The following R3HDM1 variants were observed in gnomAD, a reference collection of about 807,000 sequenced individuals.
R3HDM1 encodes R3H domain-containing protein 1.
Under a neutral mutation model 141.1 loss-of-function variants are expected in R3HDM1, and 46 were observed. The ratio of observed to expected loss-of-function variants is 0.33; its 90% confidence interval spans 0.26 to 0.42. R3HDM1 has a LOEUF of 0.42. R3HDM1 is among the 10% of genes least tolerant of loss of function. The pLI is 1.00. For synonymous variants in R3HDM1, 435 were observed against 472.9 expected, an observed-to-expected ratio of 0.92 and a Z score of 1.04; for missense variants, 1,184 against 1,368.3, an observed-to-expected ratio of 0.87 and a Z score of 2.12.
At chr2:135,723,805 AGAT>A in intron 26 of R3HDM1, 129 bp from the exon 27 acceptor site, 1 of 404,206 alleles carries the variant, frequency 2.5e-6, no homozygotes, top group Non-Finnish European at 4.4e-6. Flanking sequence ...AAAAAAAAAA[AGAT>A]GGCCCTAACA....
At chr2:135,617,075 G>A (rs1037077254) in intron 5 of R3HDM1, among the ~76,000 whole-genome samples, 2 of 152,130 alleles carry the variant, frequency 1.3e-5, no homozygotes, top group Admixed American at 6.5e-5. Flanking sequence ...TGTAATCCCA[G>A]CACTTTGGGA....
intron 1 of R3HDM1, among the ~76,000 whole-genome samples, chr2:135,581,024 G>A (rs1037808769): frequency 1.3e-5 from 2 of 152,102 alleles, no homozygotes; most frequent in African/African-American, 4.8e-5. Flanking sequence ...GCATCCTTTA[G>A]TTCCCCTGTC....
At chr2:135,544,153 C>T (rs1698205857) in intron 1 of R3HDM1, among the ~76,000 whole-genome samples, 1 of 152,190 alleles carries the variant, frequency 6.6e-6, no homozygotes, top group South Asian at 2.1e-4. Context: ...ATGCTGTTTT[C>T]ATTCATTTAT....
intron 2 of R3HDM1, among the ~76,000 whole-genome samples, chr2:135,603,809 G>A (rs1309651818): frequency 1.3e-5 from 2 of 152,160 alleles, no homozygotes; most frequent in Non-Finnish European, 2.9e-5. Flanking sequence ...GTTTTGTCAC[G>A]TTGCCCAGGC....
chr2:135,551,196 A>G (rs1699779122), intron 1 of R3HDM1, among the ~76,000 whole-genome samples: 1 of 152,230 alleles, frequency 6.6e-6, no homozygotes, highest in South Asian at 2.1e-4. Flanking sequence ...TATCTAGCCA[A>G]TGCATGGCAG....
At chr2:135,621,686 A>G (rs1005271224) in intron 6 of R3HDM1, 78 bp downstream of exon 6, 10 of 1,406,144 alleles carry the variant, frequency 7.1e-6, no homozygotes, top group East Asian at 2.5e-5. Flanking sequence ...GAATAATTAT[A>G]TATAGTATAT....
At chr2:135,533,078 A>C (rs1022140751) in intron 1 of R3HDM1, among the ~76,000 whole-genome samples, 3 of 152,186 alleles carry the variant, frequency 2.0e-5, no homozygotes, top group African/African-American at 7.2e-5. Context: ...TGTATTCCAT[A>C]ACTAGTACAC....
At chr2:135,667,395 T>TAAA (rs3074519) in intron 19 of R3HDM1, among the ~76,000 whole-genome samples, 17,630 of 150,394 alleles carry the variant, frequency 0.12, 1,227 homozygotes, top group South Asian at 0.32. Context: ...GGTAGTGTTT[T>TAAA]AAAAAAAAAA....
intron 1 of R3HDM1, among the ~76,000 whole-genome samples, chr2:135,537,807 C>G (rs1022084868): frequency 6.6e-6 from 1 of 152,030 alleles, no homozygotes; most frequent in Non-Finnish European, 1.5e-5. Context: ...CAGGCATGAG[C>G]CACCGCACCC....
Position 135,609,822 on chromosome 2 carries a change from C to T in R3HDM1, c.171+4806C>T, listed in dbSNP as rs2105133166. 1.3e-5 allele frequency among the ~76,000 whole-genome samples: 2 copies of T among 152,192 alleles called. 1 individual carries two copies. Among genetic ancestry groups the T allele is most frequent in the South Asian group, 4.1e-4 (2 of 4,820 alleles). On this transcript the variant is annotated intron_variant, in intron 3 of 26. Transcript: ENST00000683871. ...TTGAGGAAGGCTAAGGCAAGCGGATCGCTTGAGCTCGAATTCAAGACCAGC... is the reference window on the plus strand; with the variant it reads ...TTGAGGAAGGCTAAGGCAAGCGGATTGCTTGAGCTCGAATTCAAGACCAGC...
intron 19 of R3HDM1, among the ~76,000 whole-genome samples, chr2:135,666,613 T>C (rs2067535198): frequency 6.6e-6 from 1 of 152,224 alleles, no homozygotes; most frequent in Non-Finnish European, 1.5e-5. Flanking sequence ...AATAGTTCTT[T>C]AAATAGCTGT....
At chr2:135,628,409 G>A (rs1015765152) in intron 7 of R3HDM1, among the ~76,000 whole-genome samples, 2 of 152,104 alleles carry the variant, frequency 1.3e-5, no homozygotes, top group African/African-American at 4.8e-5. Flanking sequence ...ATAGATGTAC[G>A]TCTTAAGGGG....
intron 1 of R3HDM1, among the ~76,000 whole-genome samples, chr2:135,590,113 G>C (rs897835706): frequency 6.6e-6 from 1 of 152,102 alleles, no homozygotes. Flanking sequence ...AAGAGTCACT[G>C]CTTTATAGTG....
At chr2:135,579,811 G>C (rs1213701532) in intron 1 of R3HDM1, among the ~76,000 whole-genome samples, 2 of 152,158 alleles carry the variant, frequency 1.3e-5, no homozygotes, top group Admixed American at 1.3e-4. Flanking sequence ...TTAGTTAATA[G>C]TGTTACATCA....
At chr2:135,588,247 A>G (rs968675755) in intron 1 of R3HDM1, among the ~76,000 whole-genome samples, 1 of 150,256 alleles carries the variant, frequency 6.7e-6, no homozygotes, top group South Asian at 2.1e-4. Flanking sequence ...CTGTTTCTCT[A>G]TGTGCCCTTC....
At chr2:135,723,174 T>G (rs1202455952) in intron 26 of R3HDM1, among the ~76,000 whole-genome samples, 2 of 151,958 alleles carry the variant, frequency 1.3e-5, no homozygotes, top group African/African-American at 4.8e-5. Flanking sequence ...CATGCTGGAG[T>G]GCAGTGGTGT....
intron 1 of R3HDM1, among the ~76,000 whole-genome samples, chr2:135,540,272 T>C (rs1697174178): frequency 1.3e-5 from 2 of 152,230 alleles, no homozygotes; most frequent in African/African-American, 4.8e-5. Context: ...GTAGTTACTT[T>C]ATCCAGGGTA....
chr2:135,536,949 A>G (rs1416299502), intron 1 of R3HDM1, among the ~76,000 whole-genome samples: 5 of 152,088 alleles, frequency 3.3e-5, no homozygotes, highest in East Asian at 1.9e-4. Context: ...GAGGTAGAAC[A>G]GTTTCATCCC....
intron 3 of R3HDM1, among the ~76,000 whole-genome samples, chr2:135,609,349 C>T (rs1235380688): frequency 1.1e-4 from 16 of 152,048 alleles, no homozygotes; most frequent in Admixed American, 1.0e-3. Context: ...TTTCTTAATA[C>T]TTCAGAGCTA....
Sources: gnomAD v4.1 joint callset for allele counts (sites outside exome capture counted in the v4.1 genomes callset) on GRCh38, gnomAD v4.1.1 for gene constraint, MANE v1.5 for transcripts, NCBI Gene and HGNC (gene_info 2026-07-23, HGNC 2026-07-21) for gene names.